RIMS1: variants seen among roughly 807,000 people sequenced by gnomAD.
The protein encoded by RIMS1 is regulating synaptic membrane exocytosis protein 1.
Under a neutral mutation model 214.1 loss-of-function variants are expected in RIMS1, and 83 were observed. The ratio of observed to expected loss-of-function variants is 0.39; its 90% CI spans 0.32 to 0.47. RIMS1 has a LOEUF of 0.47. RIMS1 is among the 20% of genes least tolerant of loss of function. The pLI is 0.99. For missense variants in RIMS1, 2,050 were observed against 2,161.8 expected (o/e 0.95, Z 1.03); for synonymous variants, 793 against 786.8 (o/e 1.01, Z -0.13).
intron 2 of RIMS1, among the ~76,000 whole-genome samples, chr6:71,972,502 C>A (rs1562000855): frequency 6.6e-6 from 1 of 152,148 alleles, no homozygotes; most frequent in African/African-American, 2.4e-5. Context: ...GATGGATACA[C>A]ATGTCAATAT....
rs539917976 is a variant in RIMS1, at chr6:72,048,303, G to A, written c.246-48646G>A. Among the ~76,000 whole-genome samples the A allele has an allele frequency of 7.2e-5, 11 of 152,304 alleles. No homozygotes were observed. In the South Asian group the frequency reaches 2.3e-3, roughly 32 times the overall value. On this transcript the variant is annotated intron_variant, in intron 2 of 33. Coordinates refer to ENST00000521978, the MANE Select transcript of RIMS1 (RefSeq NM_014989.7). ...TTTAAAAATTATCAGCTTCATGGGTGTCTGAGTGCTTGCTTTCTTCCAACG... is the reference window on the plus strand; with the variant it reads ...TTTAAAAATTATCAGCTTCATGGGTATCTGAGTGCTTGCTTTCTTCCAACG...
At chr6:72,182,200 T>A in intron 5 of RIMS1, 84 bp from the exon 6 acceptor site, 2 of 1,391,594 alleles carry the variant, frequency 1.4e-6, no homozygotes, top group Non-Finnish European at 1.9e-6. Flanking sequence ...CTGAAATGAT[T>A]TAAGACTGGA....
intron 2 of RIMS1, among the ~76,000 whole-genome samples, chr6:72,069,312 A>C (rs950057454): frequency 7.9e-5 from 12 of 152,196 alleles, no homozygotes; most frequent in African/African-American, 2.7e-4. Context: ...TGGCAGTGCA[A>C]AGGCGAAAGG....
intron 1 of RIMS1, among the ~76,000 whole-genome samples, chr6:71,967,936 T>C (rs1794884135): frequency 6.6e-6 from 1 of 152,198 alleles, no homozygotes; most frequent in Non-Finnish European, 1.5e-5. Context: ...ACAGTTTATC[T>C]ACCACTGCCT....
chr6:72,206,900 T>C (rs1314056389), intron 6 of RIMS1, among the ~76,000 whole-genome samples: 2 of 152,234 alleles, frequency 1.3e-5, no homozygotes, highest in Non-Finnish European at 2.9e-5. Context: ...CACTTTGCAT[T>C]TTAAAGATTC....
chr6:72,018,153 G>A (rs1346316508), intron 2 of RIMS1, among the ~76,000 whole-genome samples: 1 of 152,164 alleles, frequency 6.6e-6, no homozygotes, highest in African/African-American at 2.4e-5. Flanking sequence ...GAGGGCTATT[G>A]AAGTAATATA....
At chr6:72,028,978 G>A (rs1817316738) in intron 2 of RIMS1, among the ~76,000 whole-genome samples, 1 of 152,110 alleles carries the variant, frequency 6.6e-6, no homozygotes, top group Non-Finnish European at 1.5e-5. Context: ...TTAGACTTTT[G>A]TCTTCTCATA....
At chr6:72,328,377 C>T (rs2096551940) in intron 28 of RIMS1, among the ~76,000 whole-genome samples, 1 of 151,556 alleles carries the variant, frequency 6.6e-6, no homozygotes, top group Non-Finnish European at 1.5e-5. Context: ...AGCAAACCAC[C>T]ATGGCACGTA....
At chr6:72,093,866 C>T (rs1318771445) in intron 2 of RIMS1, among the ~76,000 whole-genome samples, 2 of 152,200 alleles carry the variant, frequency 1.3e-5, no homozygotes, top group South Asian at 2.1e-4. Flanking sequence ...ATCACTTCTA[C>T]AGGAGTTAAA....
intron 19 of RIMS1, chr6:72,261,321 T>C: frequency 1.0e-6 from 1 of 991,496 alleles, no homozygotes. Context: ...ATCTTAACTA[T>C]CCTAGCCCAC....
At chr6:71,913,716 A>G (rs1309346521) in intron 1 of RIMS1, among the ~76,000 whole-genome samples, 1 of 152,086 alleles carries the variant, frequency 6.6e-6, no homozygotes, top group Non-Finnish European at 1.5e-5. Flanking sequence ...GGTTTCTGGT[A>G]TGTAGGATGT....
chr6:72,262,040 A>G (rs1563218262), intron 19 of RIMS1: 1 of 985,018 alleles, frequency 1.0e-6, no homozygotes. Flanking sequence ...TAAAGCTTCA[A>G]AAGAAATAAA....
intron 26 of RIMS1, among the ~76,000 whole-genome samples, chr6:72,304,596 A>G (rs1373756014): frequency 1.3e-5 from 2 of 151,940 alleles, no homozygotes; most frequent in Non-Finnish European, 1.5e-5. Flanking sequence ...TTCTAGATAT[A>G]TAGTTGAAAA....
chr6:72,271,286 A>ATATATATATATATATATATATAT (rs1554403465), intron 22 of RIMS1, among the ~76,000 whole-genome samples: 1 of 44,410 alleles, frequency 2.3e-5, no homozygotes, highest in African/African-American at 1.1e-4. Context: ...AAAAAAAAAA[A>ATATATATATATATATATATATAT]ATATATATAT....
At chr6:72,005,715 C>T (rs1807265375) in intron 2 of RIMS1, among the ~76,000 whole-genome samples, 1 of 152,138 alleles carries the variant, frequency 6.6e-6, no homozygotes, top group African/African-American at 2.4e-5. Context: ...GCTTATTCAA[C>T]TAAAAAACAT....
chr6:72,092,025 C>T (rs1357730055), intron 2 of RIMS1, among the ~76,000 whole-genome samples: 8 of 152,152 alleles, frequency 5.3e-5, no homozygotes, highest in Admixed American at 5.2e-4. Flanking sequence ...ACATCAGATA[C>T]AAAAAATAAA....
At chr6:72,020,368 A>G (rs1266339398) in intron 2 of RIMS1, among the ~76,000 whole-genome samples, 3 of 152,122 alleles carry the variant, frequency 2.0e-5, no homozygotes, top group South Asian at 4.1e-4. Context: ...CTTAAAACCT[A>G]TTGGTGTTAT....
chr6:72,206,725 G>T (rs1484439941), intron 6 of RIMS1, among the ~76,000 whole-genome samples: 1 of 152,172 alleles, frequency 6.6e-6, no homozygotes, highest in East Asian at 1.9e-4. Context: ...ATTGCAAGTG[G>T]CAACCCTGGG....
intron 1 of RIMS1, among the ~76,000 whole-genome samples, chr6:71,933,717 C>CA (rs58765657): frequency 1.3e-5 from 2 of 149,400 alleles, no homozygotes; most frequent in African/African-American, 2.5e-5. Context: ...CACACACACA[C>CA]AAGTTGTATT....
Sources: gnomAD v4.1 joint callset for allele counts (sites outside exome capture counted in the v4.1 genomes callset) on GRCh38, gnomAD v4.1.1 for gene constraint, MANE v1.5 for transcripts, NCBI Gene and HGNC (gene_info 2026-07-23, HGNC 2026-07-21) for gene names.